The following PRPF18 variants were observed in gnomAD, a reference collection of about 807,000 sequenced individuals.
PRPF18 encodes pre-mRNA processing factor 18.
In PRPF18, 38 loss-of-function variants were observed where a neutral mutation model predicts 46.5. That is an observed-to-expected ratio of 0.82 (90% CI 0.63 to 1.07). The LOEUF is 1.07. Among genes scored for constraint, PRPF18 ranks in the 50% least tolerant of loss-of-function variants. The pLI, the probability that PRPF18 is intolerant of heterozygous loss-of-function variation, is 0.00. For missense variants in PRPF18, 263 were observed against 410.0 expected, an observed-to-expected ratio of 0.64 and a Z score of 3.10; for synonymous variants, 152 against 146.7, an observed-to-expected ratio of 1.04 and a Z score of -0.26.
chr10:13,603,404 C>G (rs1350520112), intron 3 of PRPF18, among the ~76,000 whole-genome samples: 1 of 152,042 alleles, frequency 6.6e-6, no homozygotes, highest in Non-Finnish European at 1.5e-5. Flanking sequence ...AGTTTATTAC[C>G]TTGCCTTTAG....
chr10:13,619,265 G>T (rs1373722310), intron 9 of PRPF18, among the ~76,000 whole-genome samples: 1 of 152,240 alleles, frequency 6.6e-6, no homozygotes, highest in African/African-American at 2.4e-5. Context: ...CTTTCTGATG[G>T]AAGAGGATTA....
chr10:13,591,584 T>A, intron 1 of PRPF18: 1 of 694,034 alleles, frequency 1.4e-6, no homozygotes, highest in Non-Finnish European at 2.7e-6. Context: ...CTGATCAATC[T>A]TGTGCTGCTC....
Position 13,615,060 on chromosome 10 carries a change from T to G in PRPF18, c.792+974T>G, listed in dbSNP as rs562885555. Among the ~76,000 whole-genome samples, 6 of 152,376 alleles carry G rather than the reference T, an allele frequency of 3.9e-5. No homozygotes were observed. The East Asian group carries it at 1.2e-3, about 29-fold the overall frequency. On this transcript the variant is annotated intron_variant, in intron 8 of 9. Coordinates refer to ENST00000378572, the MANE Select transcript of PRPF18 (RefSeq NM_003675.4). Reference sequence around the variant, plus strand: ...GTTCCTGCAGTGATTTTACTCCTTTTAAGAGCCAGCCAGTTTTCTCAAAGA... The same window carrying G: ...GTTCCTGCAGTGATTTTACTCCTTTGAAGAGCCAGCCAGTTTTCTCAAAGA...
Position 13,616,469 on chromosome 10 carries a change from C to A in PRPF18, c.864C>A (p.Ile288=), listed in dbSNP as rs1361135927. 4 of 1,613,576 alleles carry A rather than the reference C, an allele frequency of 2.5e-6. No individual in the cohort carries two copies. In the African/African-American group the frequency reaches 4.0e-5, roughly 16 times the overall value. ...PWPIGVTMVG[I]HARTGREKIF... ...CCATCGGTGTCACTATGGTTGGTATCCATGCCAGAACTGGCAGAGAAAAGA... is the reference window on the plus strand; with the variant it reads ...CCATCGGTGTCACTATGGTTGGTATACATGCCAGAACTGGCAGAGAAAAGA... The change falls in exon 9 of 10, where the codon ATC becomes ATA. Residue 288 remains isoleucine (I), a synonymous_variant. Transcript: ENST00000378572.
At chr10:13,628,934 T>C (rs1053848971) in intron 9 of PRPF18, among the ~76,000 whole-genome samples, 1 of 152,058 alleles carries the variant, frequency 6.6e-6, no homozygotes, top group African/African-American at 2.4e-5. Context: ...TTGCGCACGG[T>C]ATTGAGTATT....
the PRPF18 span, chr10:13,651,928 G>A: frequency 5.7e-6 from 9 of 1,592,030 alleles, no homozygotes; most frequent in Non-Finnish European, 6.9e-6. Context: ...CTTTGGTGAG[G>A]TGGAGACTCA....
chr10:13,644,257 T>C, the PRPF18 span: 36 of 152,388 alleles, frequency 2.4e-4, 1 homozygote, highest in African/African-American at 7.9e-4. Context: ...ATAGGGGCTT[T>C]ATATCAGACC....
At chr10:13,617,622 A>G (rs1287878814) in intron 9 of PRPF18, among the ~76,000 whole-genome samples, 2 of 152,180 alleles carry the variant, frequency 1.3e-5, no homozygotes, top group African/African-American at 4.8e-5. Context: ...GTGTTCATCT[A>G]TATTGTGGCC....
intron 1 of PRPF18, chr10:13,591,365 A>G (rs1014722219): frequency 2.4e-6 from 1 of 410,308 alleles, no homozygotes; most frequent in Non-Finnish European, 4.3e-6. Context: ...AGTTTTATGA[A>G]ATAATTCTTA....
chr10:13,602,032 A>C (rs1017450049), intron 3 of PRPF18, among the ~76,000 whole-genome samples: 1 of 152,290 alleles, frequency 6.6e-6, no homozygotes, highest in South Asian at 2.1e-4. Flanking sequence ...GTGTGTGTCT[A>C]TGTAATTTTT....
chr10:13,616,437 C>T lies in PRPF18; in HGVS notation c.832C>T (p.Pro278Ser). The T allele has an allele frequency of 6.2e-7, 1 of 1,613,230 alleles. No homozygotes were observed. Among genetic ancestry groups the T allele is most frequent in the Non-Finnish European group, 8.5e-7 (1 of 1,179,358 alleles). Residue 278 changes from proline (P) to serine (S), a missense_variant, in exon 9 of 10, where the codon CCT (proline) becomes TCT (serine). Transcript: ENST00000378572. ...AYLQMAIGNA[P>S]WPIGVTMVGI... ...TCTTCAGATGGCCATTGGAAATGCG[C>T]CTTGGCCCATCGGTGTCACTATGGT...
intron 1 of PRPF18, among the ~76,000 whole-genome samples, chr10:13,590,611 A>C (rs2079946023): frequency 7.1e-6 from 1 of 140,228 alleles, no homozygotes. Flanking sequence ...ACAGAGCGAG[A>C]CTCCATCTCA....
chr10:13,613,251 G>C (rs1335396313), intron 6 of PRPF18, among the ~76,000 whole-genome samples: 1 of 152,014 alleles, frequency 6.6e-6, no homozygotes, highest in Non-Finnish European at 1.5e-5. Flanking sequence ...ATCTAGGGGT[G>C]GGGGTGGAGT....
chr10:13,587,001 A>G lies in PRPF18; in HGVS notation c.-86A>G, dbSNP rs1247316407. Reference sequence around the variant, plus strand: ...GGTGTTTGGGCTTGTTGTTCCGTATACTCAGTGGGTTCGCGGCCGCCGGCC... The same window carrying G: ...GGTGTTTGGGCTTGTTGTTCCGTATGCTCAGTGGGTTCGCGGCCGCCGGCC... On this transcript the variant is annotated 5_prime_UTR_variant, in exon 1 of 10. In the 5' UTR this introduces an upstream ATG that the reference lacks. Coordinates refer to ENST00000378572, the MANE Select transcript of PRPF18 (RefSeq NM_003675.4). 7.4e-7 allele frequency: 1 copy of G among 1,353,018 alleles called. No homozygotes were observed. The highest frequency in any genetic ancestry group is 1.1e-6 in the Non-Finnish European group (1 of 942,532). 83.8% of individuals were successfully genotyped at this position (1,353,018 alleles called of 1,614,324 possible). A position where few individuals can be genotyped will look rare whatever the true frequency, so the allele number is the denominator to read the frequency against.
At chr10:13,590,413 C>T (rs1036835642) in intron 1 of PRPF18, among the ~76,000 whole-genome samples, 9 of 147,012 alleles carry the variant, frequency 6.1e-5, no homozygotes, top group South Asian at 2.2e-4. Context: ...CTGGCTAACA[C>T]GGTGAAACCC....
chr10:13,651,765 C>T, the PRPF18 span: 4 of 609,514 alleles, frequency 6.6e-6, no homozygotes, highest in African/African-American at 5.0e-5. Context: ...AACATAGTTC[C>T]AGTTCCCCAT....
chr10:13,609,936 G>A (rs999883359), intron 4 of PRPF18, 103 bp from the exon 5 acceptor site: 33 of 1,275,950 alleles, frequency 2.6e-5, no homozygotes, highest in African/African-American at 1.0e-4. Flanking sequence ...AACTCTTCTT[G>A]TGGGGGAAAA....
At chr10:13,613,158 ACAT>A (rs2080296056) in intron 6 of PRPF18, among the ~76,000 whole-genome samples, 2 of 152,190 alleles carry the variant, frequency 1.3e-5, no homozygotes, top group South Asian at 4.1e-4. Context: ...CTAGAGGACA[ACAT>A]CCTCCTCAGC....
intron 8 of PRPF18, among the ~76,000 whole-genome samples, chr10:13,615,547 T>A (rs1386744665): frequency 1.3e-5 from 2 of 152,208 alleles, no homozygotes; most frequent in African/African-American, 4.8e-5. Context: ...ATCTGTAGTA[T>A]CTGATTTTAA....
Sources: gnomAD v4.1 joint callset for allele counts (sites outside exome capture counted in the v4.1 genomes callset) on GRCh38, gnomAD v4.1.1 for gene constraint, MANE v1.5 for transcripts, NCBI Gene and HGNC (gene_info 2026-07-23, HGNC 2026-07-21) for gene names.